Variants in MOXD1 observed in about 807,000 individuals in gnomAD.
The protein encoded by MOXD1 is monooxygenase DBH like 1.
Under a neutral mutation model 66.6 loss-of-function variants are expected in MOXD1, and 62 were observed. The ratio of observed to expected loss-of-function variants is 0.93; its 90% CI spans 0.76 to 1.15. MOXD1 has a LOEUF of 1.15. Ranked by LOEUF, MOXD1 falls within the 50% of genes most tolerant of loss-of-function variation. The pLI is 0.00. For missense variants in MOXD1, 847 were observed against 754.6 expected (o/e 1.12, Z -1.44); for synonymous variants, 303 against 281.9 (o/e 1.07, Z -0.75).
chr6:132,398,476 T>C (rs1776946077), intron 1 of MOXD1, among the ~76,000 whole-genome samples: 1 of 152,162 alleles, frequency 6.6e-6, no homozygotes, highest in Non-Finnish European at 1.5e-5. Flanking sequence ...TAGGTTATTA[T>C]CATACACCCT....
chr6:132,326,288 A>T (rs1775187088), intron 6 of MOXD1, among the ~76,000 whole-genome samples: 1 of 151,916 alleles, frequency 6.6e-6, no homozygotes, highest in African/African-American at 2.4e-5. Context: ...ATAAAAATAG[A>T]AAGTACTAAA....
At chr6:132,297,670 C>T in intron 11 of MOXD1, 117 bp downstream of exon 11, 2 of 1,229,644 alleles carry the variant, frequency 1.6e-6, no homozygotes, top group Non-Finnish European at 2.2e-6. Context: ...AATTATCAGA[C>T]ATTAGAAGGC....
intron 11 of MOXD1, 86 bp downstream of exon 11, chr6:132,297,701 G>A (rs1401502724): frequency 2.1e-6 from 3 of 1,446,598 alleles, no homozygotes; most frequent in Non-Finnish European, 1.8e-6. Flanking sequence ...CTGGATTTAT[G>A]GATATTTGTC....
chr6:132,373,491 C>T lies in MOXD1; in HGVS notation c.412-494G>A, dbSNP rs757009776. 2.6e-5 allele frequency among the ~76,000 whole-genome samples: 4 copies of T among 152,248 alleles called. No homozygotes were observed. In the South Asian group the frequency reaches 6.2e-4, roughly 24 times the overall value. On this transcript the variant is annotated intron_variant, in intron 2 of 11. Coordinates refer to ENST00000367963, the MANE Select transcript of MOXD1 (RefSeq NM_015529.4). Reference sequence around the variant, plus strand: ...TTTCCTAGGCACTAGCCTAGTCACACGTATACATTTACAGAAAATATAAAT... The same window carrying T: ...TTTCCTAGGCACTAGCCTAGTCACATGTATACATTTACAGAAAATATAAAT...
chr6:132,393,977 T>G (rs1776821638), intron 1 of MOXD1, among the ~76,000 whole-genome samples: 1 of 152,216 alleles, frequency 6.6e-6, no homozygotes, highest in Non-Finnish European at 1.5e-5. Flanking sequence ...CCACAGCTAC[T>G]GCCATTGCCA....
intron 4 of MOXD1, among the ~76,000 whole-genome samples, chr6:132,340,638 A>ATCTTTTTTTTTTTTTTTTTTTT (rs1562287208): frequency 1.0e-5 from 1 of 98,786 alleles, no homozygotes. Context: ...AACAAGACTC[A>ATCTTTTTTTTTTTTTTTTTTTT]TTTTTTTTTT....
chr6:132,341,517 A>T (rs1482153051), intron 4 of MOXD1, among the ~76,000 whole-genome samples: 1 of 152,186 alleles, frequency 6.6e-6, no homozygotes, highest in Non-Finnish European at 1.5e-5. Context: ...TCACCTTGTT[A>T]ATCTGACCAA....
intron 10 of MOXD1, among the ~76,000 whole-genome samples, chr6:132,303,704 T>TACACACAC (rs772482923): frequency 0.025 from 3,334 of 134,714 alleles, 164 homozygotes; most frequent in African/African-American, 0.075. Flanking sequence ...GCTGACTGTA[T>TACACACAC]ACATACACAC....
rs1300131954 is a variant in MOXD1, at chr6:132,401,176, C to G, written c.251G>C (p.Arg84Pro). The part of the protein sequence containing the change: ...DIVVGGVAHG[R>P]PYLQDYFTNA... ...AGACGCGCTTACCTGGAGGTAGGGC[C>G]GCCCGTGGGCCACCCCGCCCACGAC... Residue 84 changes from arginine (R) to proline (P), a missense_variant, in exon 1 of 12, where the codon CGG becomes CCG. Coordinates refer to ENST00000367963, the MANE Select transcript of MOXD1 (RefSeq NM_015529.4). 6.5e-7 allele frequency: 1 copy of G among 1,528,484 alleles called. No homozygotes were observed. Among genetic ancestry groups the G allele is most frequent in the African/African-American group, 1.4e-5 (1 of 71,632 alleles). 94.7% of individuals were successfully genotyped at this position (1,528,484 alleles called of 1,614,324 possible). A position where few individuals can be genotyped will look rare whatever the true frequency, so the allele number is the denominator to read the frequency against.
At position 132,322,734 on chromosome 6, in the gene MOXD1, A is replaced by G. The variant is rs983736507; in HGVS notation, c.1250T>C (p.Phe417Ser). Residue 417 changes from phenylalanine to serine, a missense_variant, in exon 8 of 12, where the codon TTT (phenylalanine) becomes TCT (serine). Coordinates refer to ENST00000367963, the MANE Select transcript of MOXD1 (RefSeq NM_015529.4). ...CTGAAACTCCTGGAAATTGAAGTCA[A>G]AATCATCATCATAGGCAAGTAATTT... ...EMKLLAYDDD[F>S]DFNFQEFQYL... 2.5e-5 allele frequency: 41 copies of G among 1,614,046 alleles called. No individual in the cohort carries two copies. Among genetic ancestry groups the G allele is most frequent in the Non-Finnish European group, 3.5e-5 (41 of 1,180,012 alleles).
intron 10 of MOXD1, among the ~76,000 whole-genome samples, chr6:132,302,728 T>C (rs1383003017): frequency 6.6e-6 from 1 of 152,030 alleles, no homozygotes; most frequent in Admixed American, 6.6e-5. Flanking sequence ...TGTATGAAAA[T>C]AGAATAAACC....
chr6:132,332,569 C>G (rs1035780458), intron 4 of MOXD1, among the ~76,000 whole-genome samples: 1 of 152,094 alleles, frequency 6.6e-6, no homozygotes, highest in East Asian at 1.9e-4. Context: ...AAGAATGTTC[C>G]TTAAGGATGG....
At chr6:132,336,012 G>A (rs1775427903) in intron 4 of MOXD1, among the ~76,000 whole-genome samples, 1 of 152,112 alleles carries the variant, frequency 6.6e-6, no homozygotes, top group Admixed American at 6.5e-5. Flanking sequence ...AACACAGGGA[G>A]GTTACTAGCG....
At chr6:132,376,953 G>T (rs1465826435) in intron 1 of MOXD1, among the ~76,000 whole-genome samples, 1 of 152,152 alleles carries the variant, frequency 6.6e-6, no homozygotes, top group African/African-American at 2.4e-5. Flanking sequence ...GAGGCTAAGC[G>T]ACTTGCCCAG....
At chr6:132,378,975 G>A (rs34200455) in intron 1 of MOXD1, among the ~76,000 whole-genome samples, 21,339 of 135,422 alleles carry the variant, frequency 0.16, 1,673 homozygotes, top group East Asian at 0.26. Flanking sequence ...TCAGCTTGGT[G>A]CGATCTCAGT....
intron 1 of MOXD1, among the ~76,000 whole-genome samples, chr6:132,400,889 G>A (rs1777007918): frequency 6.6e-6 from 1 of 152,152 alleles, no homozygotes; most frequent in Non-Finnish European, 1.5e-5. Flanking sequence ...AGGCGGGGGG[G>A]CGTCTATTAA....
At chr6:132,347,969 A>G (rs1196122965) in intron 4 of MOXD1, among the ~76,000 whole-genome samples, 1 of 152,140 alleles carries the variant, frequency 6.6e-6, no homozygotes, top group Non-Finnish European at 1.5e-5. Context: ...GTTCCATGAA[A>G]AAGAGAAAAC....
intron 4 of MOXD1, among the ~76,000 whole-genome samples, chr6:132,343,990 C>A (rs942574170): frequency 6.6e-6 from 1 of 151,860 alleles, no homozygotes; most frequent in Non-Finnish European, 1.5e-5. Flanking sequence ...GAAGTTTTTT[C>A]TATATCTATT....
chr6:132,365,400 G>A (rs1356062216), intron 4 of MOXD1, among the ~76,000 whole-genome samples: 13 of 152,130 alleles, frequency 8.5e-5, no homozygotes, highest in Admixed American at 8.5e-4. Flanking sequence ...TGACTGAAAA[G>A]CATGCATGTC....
Sources: gnomAD v4.1 joint callset for allele counts (sites outside exome capture counted in the v4.1 genomes callset) on GRCh38, gnomAD v4.1.1 for gene constraint, MANE v1.5 for transcripts, NCBI Gene and HGNC (gene_info 2026-07-23, HGNC 2026-07-21) for gene names.